AKR1C8: variants seen among roughly 807,000 people sequenced by gnomAD.
AKR1C8 encodes the protein aldo-keto reductase family 1 member C8.
chr10:5,124,475 CT>C, the AKR1C8 span, among the ~76,000 whole-genome samples: 2 of 151,872 alleles, frequency 1.3e-5, no homozygotes, highest in Non-Finnish European at 2.9e-5. Flanking sequence ...GTGAGGGATT[CT>C]TTTTTTCATA....
the AKR1C8 span, chr10:5,160,896 A>G: frequency 2.1e-6 from 1 of 471,094 alleles, no homozygotes; most frequent in Non-Finnish European, 4.4e-6. Context: ...CAGGCTGGAA[A>G]ATAGAAAAGA....
chr10:5,116,180 A>T, the AKR1C8 span, among the ~76,000 whole-genome samples: 1 of 152,092 alleles, frequency 6.6e-6, no homozygotes, highest in Admixed American at 6.6e-5. Flanking sequence ...TAGTAGACTG[A>T]TTTCATCTTG....
chr10:5,123,956 C>G, the AKR1C8 span: 1 of 933,400 alleles, frequency 1.1e-6, no homozygotes, highest in Admixed American at 3.1e-5. Flanking sequence ...TTACTGTCAA[C>G]TAATTATCTT....
At chr10:5,184,102 C>A in the AKR1C8 span, among the ~76,000 whole-genome samples, 1 of 152,088 alleles carries the variant, frequency 6.6e-6, no homozygotes, top group African/African-American at 2.4e-5. Context: ...AGGTCCCAGG[C>A]CAAGCTATCA....
the AKR1C8 span, among the ~76,000 whole-genome samples, chr10:5,123,001 GA>G: frequency 6.6e-6 from 1 of 152,130 alleles, no homozygotes; most frequent in Non-Finnish European, 1.5e-5. Flanking sequence ...AGAAAATCAA[GA>G]AAAGCAGATG....
At chr10:5,180,077 A>G in the AKR1C8 span, among the ~76,000 whole-genome samples, 45 of 151,796 alleles carry the variant, frequency 3.0e-4, 1 homozygote, top group East Asian at 1.7e-3. Context: ...CAGTTTTTCT[A>G]CTCTGTTTTT....
At chr10:5,129,146 T>C in the AKR1C8 span, among the ~76,000 whole-genome samples, 1 of 152,050 alleles carries the variant, frequency 6.6e-6, no homozygotes, top group Non-Finnish European at 1.5e-5. Flanking sequence ...ACTATACAAA[T>C]ACATGGAAAT....
At chr10:5,159,880 C>T in the AKR1C8 span, 22 of 515,258 alleles carry the variant, frequency 4.3e-5, no homozygotes, top group South Asian at 3.0e-4. Context: ...GCTAAGGGCT[C>T]ACCTGGTTGC....
the AKR1C8 span, among the ~76,000 whole-genome samples, chr10:5,157,218 C>T: frequency 6.6e-6 from 1 of 151,518 alleles, no homozygotes; most frequent in East Asian, 1.9e-4. Context: ...AGGCCAGGGG[C>T]TTTTGTGGTG....
the AKR1C8 span, among the ~76,000 whole-genome samples, chr10:5,160,409 T>TG: frequency 8.6e-5 from 13 of 152,046 alleles, no homozygotes; most frequent in African/African-American, 3.1e-4. Context: ...ATCAATCAAA[T>TG]GGGTTTTTCA....
the AKR1C8 span, among the ~76,000 whole-genome samples, chr10:5,126,725 T>C: frequency 1.3e-5 from 2 of 152,200 alleles, no homozygotes; most frequent in African/African-American, 4.8e-5. Flanking sequence ...ACTGCTGCCA[T>C]TCCAACCCCA....
chr10:5,143,065 C>T, the AKR1C8 span, among the ~76,000 whole-genome samples: 9 of 152,062 alleles, frequency 5.9e-5, no homozygotes, highest in African/African-American at 2.2e-4. Context: ...AGCAGTATGC[C>T]AATACATGGT....
the AKR1C8 span, chr10:5,155,473 G>A: frequency 7.2e-6 from 2 of 278,726 alleles, no homozygotes; most frequent in South Asian, 3.6e-5. Context: ...GCAGACATTG[G>A]CAGTTTCACT....
chr10:5,155,709 G>A, the AKR1C8 span: 1 of 475,270 alleles, frequency 2.1e-6, no homozygotes, highest in Admixed American at 2.3e-5. Flanking sequence ...TTTCTGTTGA[G>A]GCCATCAATG....
the AKR1C8 span, among the ~76,000 whole-genome samples, chr10:5,178,423 G>A: frequency 1.4e-4 from 21 of 152,270 alleles, no homozygotes; most frequent in African/African-American, 4.8e-4. Context: ...TTTGGAATAG[G>A]TGTGGTGTGG....
At chr10:5,166,668 C>T in the AKR1C8 span, among the ~76,000 whole-genome samples, 1 of 152,076 alleles carries the variant, frequency 6.6e-6, no homozygotes, top group Non-Finnish European at 1.5e-5. Context: ...AACGATAGAC[C>T]TAAAACCATA....
chr10:5,118,835 A>T, the AKR1C8 span, among the ~76,000 whole-genome samples: 1 of 151,968 alleles, frequency 6.6e-6, no homozygotes, highest in African/African-American at 2.4e-5. Flanking sequence ...CTGGAGGGAG[A>T]TATTTTGTTT....
the AKR1C8 span, among the ~76,000 whole-genome samples, chr10:5,150,562 G>A: frequency 6.6e-6 from 1 of 151,816 alleles, no homozygotes; most frequent in Admixed American, 6.6e-5. Context: ...TGTAAGTTTT[G>A]GACTTTAGGA....
chr10:5,139,576 G>T, the AKR1C8 span, among the ~76,000 whole-genome samples: 5 of 152,166 alleles, frequency 3.3e-5, no homozygotes, highest in Non-Finnish European at 7.3e-5. Context: ...AATAAATGGT[G>T]CTGGGAAAAC....
Sources: allele counts gnomAD v4.1 joint callset (sites outside exome capture counted in the v4.1 genomes callset), GRCh38; gene constraint gnomAD v4.1.1; transcripts MANE v1.5; gene names NCBI Gene and HGNC (gene_info 2026-07-23, HGNC 2026-07-21).